IQCB1: variants seen among roughly 807,000 people sequenced by gnomAD.
IQCB1 encodes the protein IQ calmodulin-binding motif-containing protein 1.
Under a neutral mutation model 84.4 loss-of-function variants are expected in IQCB1, and 56 were observed. The ratio of observed to expected loss-of-function variants is 0.66; its 90% CI spans 0.54 to 0.83. The LOEUF (loss-of-function observed/expected upper bound fraction) is 0.83. Ranked by LOEUF, IQCB1 falls within the 40% of genes least tolerant of loss-of-function variation. IQCB1 has a pLI of 0.00. For synonymous variants in IQCB1, 210 were observed against 234.8 expected, an observed-to-expected ratio of 0.89 and a Z score of 0.96; for missense variants, 629 against 682.1, an observed-to-expected ratio of 0.92 and a Z score of 0.87.
chr3:121,783,110 C>A (rs936582439), intron 12 of IQCB1, among the ~76,000 whole-genome samples: 1 of 152,184 alleles, frequency 6.6e-6, no homozygotes, highest in African/African-American at 2.4e-5. Context: ...GAAAAGTTTG[C>A]TGATGTAACT....
intron 4 of IQCB1, among the ~76,000 whole-genome samples, chr3:121,827,584 A>G (rs1183377141): frequency 6.6e-6 from 1 of 152,132 alleles, no homozygotes; most frequent in Non-Finnish European, 1.5e-5. Flanking sequence ...GGCTTTATTT[A>G]CTTAAGAAAA....
At chr3:121,826,614 C>G (rs1267735982) in intron 4 of IQCB1, among the ~76,000 whole-genome samples, 1 of 152,074 alleles carries the variant, frequency 6.6e-6, no homozygotes, top group Admixed American at 6.6e-5. Flanking sequence ...ATAAGGAAAC[C>G]AAACACTAAT....
chr3:121,781,860 T>A lies in IQCB1; in HGVS notation c.1293A>T (p.Leu431=). 6.2e-7 allele frequency: 1 copy of A among 1,613,556 alleles called. No homozygotes were observed. The highest frequency in any genetic ancestry group is 8.5e-7 in the Non-Finnish European group (1 of 1,179,616). Residue 431 remains leucine, a synonymous_variant, in exon 13 of 15, where the codon CTA becomes CTT. Transcript: ENST00000310864. ...GTTTCTTTTTCTTACGGCACTTCGC[T>A]AGGAATTTAAGCGCCTGGAAGAAAA... ...VTLQRAALKF[L]AKCRKKKKLF... is the part of the protein sequence containing the mutation.
At chr3:121,819,232 T>C (rs141936656) in intron 5 of IQCB1, among the ~76,000 whole-genome samples, 4 of 152,334 alleles carry the variant, frequency 2.6e-5, no homozygotes, top group African/African-American at 9.6e-5. Context: ...GAGTCTCATC[T>C]GAGAGTGATG....
chr3:121,778,533 C>CTT lies in IQCB1; in HGVS notation c.1410+3208_1410+3209dup, dbSNP rs34279594. Among the ~76,000 whole-genome samples the CTT allele has an allele frequency of 2.4e-4, 35 of 148,736 alleles. 1 individual carries two copies. Among genetic ancestry groups the CTT allele is most frequent in the Admixed American group, 9.4e-4 (14 of 14,934 alleles). ...TCAGCTTTTGTATGTCTGAAAAAGT[C>CTT]TTTTTTTTTTTAACAATATTTTTTT... On this transcript the variant is annotated intron_variant, in intron 13 of 14. Coordinates refer to ENST00000310864, the MANE Select transcript of IQCB1 (RefSeq NM_001023570.4).
At chr3:121,802,392 T>C (rs1040149809) in intron 7 of IQCB1, among the ~76,000 whole-genome samples, 1 of 152,164 alleles carries the variant, frequency 6.6e-6, no homozygotes, top group Non-Finnish European at 1.5e-5. Flanking sequence ...AATTTGTCCA[T>C]TTGATCTAAG....
At position 121,788,415 on chromosome 3, in the gene IQCB1, A is replaced by G; in HGVS notation, c.1147T>C (p.Tyr383His). 6.2e-7 allele frequency: 1 copy of G among 1,613,728 alleles called. No homozygotes were observed. Among genetic ancestry groups the G allele is most frequent in the Non-Finnish European group, 8.5e-7 (1 of 1,179,786 alleles). ...GCTGATTTCTCTTCCATTTCCCGAT[A>G]GTGTTTCTCCACCTGACCTAAAAAG... ...IVHPGQVEKH[Y>H]REMEEKSALI... Residue 383 changes from tyrosine (Y) to histidine (H), a missense_variant, in exon 12 of 15, where the codon TAT becomes CAT. Physicochemically the swap from Tyr to His is moderately conservative, Grantham distance 83 (BLOSUM62 2). Transcript: ENST00000310864.
chr3:121,829,877 A>G (rs1426140049), intron 2 of IQCB1, among the ~76,000 whole-genome samples: 1 of 152,238 alleles, frequency 6.6e-6, no homozygotes, highest in East Asian at 1.9e-4. Context: ...GAAATGTTAC[A>G]TAAATATAAG....
chr3:121,778,606 T>G (rs1948337597), intron 13 of IQCB1, among the ~76,000 whole-genome samples: 1 of 152,050 alleles, frequency 6.6e-6, no homozygotes, highest in Non-Finnish European at 1.5e-5. Flanking sequence ...TTTCAGTACT[T>G]TAAAGCAAGA....
intron 8 of IQCB1, among the ~76,000 whole-genome samples, chr3:121,798,926 T>C (rs1455744062): frequency 6.6e-6 from 1 of 151,910 alleles, no homozygotes; most frequent in Non-Finnish European, 1.5e-5. Flanking sequence ...CTATATGGTA[T>C]ATTCAACACA....
chr3:121,810,959 C>T (rs1559786916), intron 5 of IQCB1, among the ~76,000 whole-genome samples: 2 of 152,202 alleles, frequency 1.3e-5, no homozygotes, highest in South Asian at 2.1e-4. Context: ...CACATATGCT[C>T]TACCACTGAG....
chr3:121,793,377 A>G (rs1214817586), intron 10 of IQCB1, among the ~76,000 whole-genome samples: 1 of 152,190 alleles, frequency 6.6e-6, no homozygotes, highest in African/African-American at 2.4e-5. Context: ...TCTAAAGAAC[A>G]CTAATCAACC....
intron 12 of IQCB1, among the ~76,000 whole-genome samples, chr3:121,786,496 CT>C (rs1379687434): frequency 2.4e-5 from 2 of 83,026 alleles, no homozygotes; most frequent in African/African-American, 5.4e-5. Flanking sequence ...GACCATGTCT[CT>C]TAAAAAAAAA....
intron 4 of IQCB1, among the ~76,000 whole-genome samples, chr3:121,826,793 C>T (rs866253352): frequency 1.6e-4 from 25 of 152,062 alleles, no homozygotes; most frequent in Admixed American, 9.8e-4. Context: ...TAAAATTGTA[C>T]ATAAAAGTCA....
chr3:121,807,360 T>C lies in IQCB1; in HGVS notation c.571A>G (p.Ile191Val). 1.3e-6 allele frequency: 2 copies of C among 1,532,900 alleles called. No individual in the cohort carries two copies. The highest frequency in any genetic ancestry group is 1.7e-5 in the Admixed American group (1 of 59,798). 95.0% of individuals were successfully genotyped at this position (1,532,900 alleles called of 1,614,324 possible). ...GSAVMMMLQNILQINSGDLLR... is the reference protein window; with the variant it reads ...GSAVMMMLQNVLQINSGDLLR... ...CCAAGTCACCTGTTGATCTGTAGTA[T>C]ATTCTGTAGCATCATCATGACTGCA... The change falls in exon 7 of 15, where the codon ATA becomes GTA. Residue 191 changes from isoleucine to valine, a missense_variant. Coordinates refer to ENST00000310864, the MANE Select transcript of IQCB1 (RefSeq NM_001023570.4).
intron 12 of IQCB1, among the ~76,000 whole-genome samples, chr3:121,783,313 A>T (rs1463973226): frequency 1.3e-5 from 2 of 151,916 alleles, no homozygotes. Flanking sequence ...TTTTTTTCAG[A>T]TATAGGTATC....
chr3:121,796,670 GA>G (rs1270861114), intron 9 of IQCB1, among the ~76,000 whole-genome samples: 1 of 151,760 alleles, frequency 6.6e-6, no homozygotes, highest in Non-Finnish European at 1.5e-5. Context: ...ATTTTTTTTG[GA>G]AAAACAGTTT....
chr3:121,782,114 GA>G (rs1275725660), intron 12 of IQCB1, among the ~76,000 whole-genome samples: 3 of 151,540 alleles, frequency 2.0e-5, no homozygotes, highest in Non-Finnish European at 2.9e-5. Context: ...CAATGAAGAG[GA>G]AAAAAAAGCA....
chr3:121,778,628 G>A (rs796474321), intron 13 of IQCB1, among the ~76,000 whole-genome samples: 123 of 151,738 alleles, frequency 8.1e-4, no homozygotes, highest in African/African-American at 2.7e-3. Flanking sequence ...ATCTTTCGCC[G>A]GGGGTGGTGG....
Sources: gnomAD v4.1 joint callset for allele counts (sites outside exome capture counted in the v4.1 genomes callset) on GRCh38, gnomAD v4.1.1 for gene constraint, MANE v1.5 for transcripts, NCBI Gene and HGNC (gene_info 2026-07-23, HGNC 2026-07-21) for gene names.